XPO4: variants seen among roughly 807,000 people sequenced by gnomAD.
XPO4 encodes the protein exportin 4.
In XPO4, 39 loss-of-function variants were observed where a neutral mutation model predicts 143.0. That is an observed-to-expected ratio of 0.27 (90% CI 0.21 to 0.36). The LOEUF (loss-of-function observed/expected upper bound fraction) is 0.36. Ranked by LOEUF, XPO4 falls within the 10% of genes least tolerant of loss-of-function variation. The pLI is 1.00. For missense variants in XPO4, 907 were observed against 1,348.0 expected, an observed-to-expected ratio of 0.67 and a Z score of 5.12; for synonymous variants, 439 against 474.0, an observed-to-expected ratio of 0.93 and a Z score of 0.96.
At chr13:20,842,599 C>T (rs1301100693) in intron 6 of XPO4, among the ~76,000 whole-genome samples, 1 of 152,124 alleles carries the variant, frequency 6.6e-6, no homozygotes, top group Non-Finnish European at 1.5e-5. Flanking sequence ...TACCTGTTTC[C>T]TTTTCCTTCC....
At chr13:20,816,492 C>G (rs2059652677) in intron 9 of XPO4, among the ~76,000 whole-genome samples, 1 of 152,106 alleles carries the variant, frequency 6.6e-6, no homozygotes, top group Non-Finnish European at 1.5e-5. Flanking sequence ...CTTCAGAATA[C>G]CTATGCAGCT....
intron 7 of XPO4, among the ~76,000 whole-genome samples, chr13:20,823,362 T>G (rs2059743701): frequency 6.6e-6 from 1 of 152,256 alleles, no homozygotes; most frequent in South Asian, 2.1e-4. Flanking sequence ...CCTTGTTCAC[T>G]GAGTCCCTTA....
chr13:20,843,882 G>A lies in XPO4; in HGVS notation c.461C>T (p.Thr154Ile), dbSNP rs774181174. 35 of 1,608,960 alleles carry A rather than the reference G, an allele frequency of 2.2e-5. No individual in the cohort carries two copies. Among genetic ancestry groups the A allele is most frequent in the Non-Finnish European group, 2.7e-5 (32 of 1,176,776 alleles). The change falls in exon 5 of 23, where the codon ACT becomes ATT. Residue 154 changes from threonine (T) to isoleucine (I), a missense_variant. Transcript: ENST00000255305. ...CGCAGTCAGAATAGAACAGGCCAGA[G>A]TTTGCTGTAATTATTTGATAAGAAA... ...LISSGNPTVQTLACSILTALL... is the reference protein window; with the variant it reads ...LISSGNPTVQILACSILTALL...
At chr13:20,785,976 GAGGAAGGAAGGAAGGAAGGAAGGA>G (rs57331137) in intron 22 of XPO4, among the ~76,000 whole-genome samples, 6 of 141,938 alleles carry the variant, frequency 4.2e-5, no homozygotes, top group Non-Finnish European at 9.1e-5. Flanking sequence ...AAGAAAAAGA[GAGGAAGGAAGGAAGGAAGGAAGGA>G]AGGAAGGAAG....
intron 12 of XPO4, 26 bp from the exon 13 acceptor site, chr13:20,807,660 G>T: frequency 1.3e-6 from 2 of 1,529,886 alleles, no homozygotes; most frequent in East Asian, 2.3e-5. Flanking sequence ...AATTAAAAAT[G>T]AACACTTAAC....
intron 3 of XPO4, chr13:20,857,866 A>G (rs1431186352): frequency 2.0e-6 from 2 of 985,300 alleles, no homozygotes; most frequent in African/African-American, 3.5e-5. Context: ...CATAAAGGAC[A>G]TTGTGCATTT....
intron 2 of XPO4, among the ~76,000 whole-genome samples, chr13:20,865,096 T>C (rs560560397): frequency 2.2e-4 from 33 of 151,886 alleles, no homozygotes; most frequent in Non-Finnish European, 4.3e-4. Flanking sequence ...CAAAGATGCC[T>C]GAAACTACAG....
intron 4 of XPO4, chr13:20,848,718 C>T (rs2060052689): frequency 1.0e-6 from 1 of 985,374 alleles, no homozygotes; most frequent in African/African-American, 1.7e-5. Flanking sequence ...ATTAATGAAT[C>T]AGTGTTTACT....
At chr13:20,809,348 C>A in intron 10 of XPO4, 123 bp from the exon 11 acceptor site, 1 of 1,242,486 alleles carries the variant, frequency 8.0e-7, no homozygotes, top group South Asian at 1.5e-5. Context: ...GGGGACACAG[C>A]CGACCTTTGA....
intron 1 of XPO4, among the ~76,000 whole-genome samples, chr13:20,895,641 AAAAG>A (rs1207340052): frequency 5.3e-5 from 8 of 152,162 alleles, no homozygotes; most frequent in Non-Finnish European, 4.4e-5. Flanking sequence ...CAAAAAAAAA[AAAAG>A]AAGTTTAGTA....
chr13:20,822,164 G>T lies in XPO4; in HGVS notation c.966C>A (p.His322Gln), dbSNP rs1237485027. The change falls in exon 8 of 23, where the codon CAC becomes CAA. Residue 322 changes from histidine to glutamine, a missense_variant. His to Gln is a conservative substitution (Grantham distance 24, BLOSUM62 0). Transcript: ENST00000255305. The stretch of plus-strand genomic sequence containing the variant: ...TAGTATTCAGTAATCCCTCAATGAA[G>T]TGTGCTAGATAATCAACTTGTGATC... ...DEGSQVDYLA[H>Q]FIEGLLNTIN... is the part of the protein sequence containing the mutation. 1.2e-6 allele frequency: 2 copies of T among 1,613,264 alleles called. No individual in the cohort carries two copies. The highest frequency in any genetic ancestry group is 4.5e-5 in the East Asian group (2 of 44,848).
intron 4 of XPO4, chr13:20,852,731 T>C: frequency 2.0e-6 from 2 of 979,806 alleles, no homozygotes; most frequent in South Asian, 9.4e-5. Flanking sequence ...ATTATATACA[T>C]ATATTAAAAA....
chr13:20,863,336 T>C (rs1304408585), intron 2 of XPO4, among the ~76,000 whole-genome samples: 1 of 152,184 alleles, frequency 6.6e-6, no homozygotes, highest in Non-Finnish European at 1.5e-5. Context: ...CCATCTCCAA[T>C]AGCAAGTTCA....
rs1259087438 is a variant in XPO4, at chr13:20,803,507, A to G, written c.1818-2517T>C. ...TCAGAAATACCTCTCATAACCCAAGAACCTTTCTCCATCTTCACTCCCAAG... is the reference window on the plus strand; with the variant it reads ...TCAGAAATACCTCTCATAACCCAAGGACCTTTCTCCATCTTCACTCCCAAG... On this transcript the variant is annotated intron_variant, in intron 13 of 22. Transcript: ENST00000255305. The surrounding 1 kb of genome is among the most constrained non-coding windows in gnomAD (Gnocchi z 4.1). 6.6e-6 allele frequency among the ~76,000 whole-genome samples: 1 copy of G among 152,110 alleles called. No individual in the cohort carries two copies. Among genetic ancestry groups the G allele is most frequent in the East Asian group, 1.9e-4 (1 of 5,194 alleles).
At chr13:20,785,896 GA>G (rs1247241587) in intron 22 of XPO4, among the ~76,000 whole-genome samples, 2 of 63,474 alleles carry the variant, frequency 3.2e-5, no homozygotes, top group African/African-American at 5.8e-5. Context: ...GAGAAAGAAA[GA>G]AAGAGGAGGG....
At chr13:20,822,089 A>C in intron 8 of XPO4, 43 bp downstream of exon 8, 1 of 1,560,852 alleles carries the variant, frequency 6.4e-7, no homozygotes, top group Non-Finnish European at 8.6e-7. Context: ...TAAACACAAA[A>C]CGTAGAGCTC....
chr13:20,851,510 AC>A, intron 4 of XPO4: 1 of 861,268 alleles, frequency 1.2e-6, no homozygotes, highest in Non-Finnish European at 1.4e-6. Context: ...GAAGTTTGAG[AC>A]CAGCTTGGGC....
chr13:20,833,501 T>C (rs538233645), intron 6 of XPO4, among the ~76,000 whole-genome samples: 2 of 152,350 alleles, frequency 1.3e-5, no homozygotes, highest in South Asian at 4.1e-4. Context: ...CCCAATACCA[T>C]GTAAGTGCTA....
chr13:20,787,196 T>A (rs947115127), intron 21 of XPO4, 139 bp from the exon 22 acceptor site: 141 of 787,230 alleles, frequency 1.8e-4, no homozygotes, highest in Middle Eastern at 1.5e-3. Flanking sequence ...CTTAATGTTT[T>A]AAAAAAAATA....
Sources: allele counts gnomAD v4.1 joint callset (sites outside exome capture counted in the v4.1 genomes callset), GRCh38; gene constraint gnomAD v4.1.1; non-coding constraint Gnocchi (gnomAD v3.1); transcripts MANE v1.5; gene names NCBI Gene and HGNC (gene_info 2026-07-23, HGNC 2026-07-21).